CNTN4: variants seen among roughly 807,000 people sequenced by gnomAD.
CNTN4 encodes contactin-4.
In CNTN4, 77 loss-of-function variants were observed where a neutral mutation model predicts 122.5. That is an observed-to-expected ratio of 0.63 (90% confidence interval 0.52 to 0.76). The LOEUF is 0.76. Ranked by LOEUF, CNTN4 falls within the 30% of genes least tolerant of loss-of-function variation. The pLI is 0.00. For missense variants in CNTN4, 1,256 were observed against 1,259.1 expected (o/e 1.00, Z 0.04); for synonymous variants, 512 against 447.0 (o/e 1.15, Z -1.83).
intron 3 of CNTN4, among the ~76,000 whole-genome samples, chr3:2,396,896 T>C (rs919183345): frequency 2.6e-5 from 4 of 152,256 alleles, no homozygotes; most frequent in African/African-American, 9.6e-5. Flanking sequence ...TCCCATTTAG[T>C]GGTGTGTTAT....
intron 6 of CNTN4, among the ~76,000 whole-genome samples, chr3:2,799,465 G>C (rs1407767998): frequency 6.6e-6 from 1 of 151,948 alleles, no homozygotes; most frequent in Non-Finnish European, 1.5e-5. Context: ...TACAGTTTCA[G>C]GTCTTTTTTT....
intron 13 of CNTN4, among the ~76,000 whole-genome samples, chr3:2,945,899 A>T (rs1391845393): frequency 6.6e-6 from 1 of 152,202 alleles, no homozygotes; most frequent in African/African-American, 2.4e-5. Context: ...ATTCAAATTC[A>T]TTTGGAATTT....
chr3:2,776,782 G>T (rs1343358813), intron 6 of CNTN4, among the ~76,000 whole-genome samples: 1 of 152,104 alleles, frequency 6.6e-6, no homozygotes, highest in Non-Finnish European at 1.5e-5. Flanking sequence ...ATAAGTTTTT[G>T]CTGAGCCCGT....
At chr3:2,872,689 A>G (rs1401082224) in intron 8 of CNTN4, among the ~76,000 whole-genome samples, 2 of 151,932 alleles carry the variant, frequency 1.3e-5, no homozygotes, top group Non-Finnish European at 2.9e-5. Flanking sequence ...CTTTCTCTGT[A>G]CTCTGTCTCT....
Position 2,385,346 on chromosome 3 carries a change from G to A in CNTN4, c.-89+46113G>A, listed in dbSNP as rs1827451. Among the ~76,000 whole-genome samples, 40,327 of 151,732 alleles carry A rather than the reference G, an allele frequency of 0.27. 6,171 individuals are homozygous for A. The highest frequency in any genetic ancestry group is 0.63 in the East Asian group (3,232 of 5,142). On this transcript the variant is annotated intron_variant, in intron 3 of 24. Transcript: ENST00000418658. This position sits in a 1 kb window ranked among gnomAD's most constrained non-coding sequence, Gnocchi z 4.0. The stretch of plus-strand genomic sequence containing the variant: ...TTATAGTTTTGTTTATATTACTCTT[G>A]TTGCACTGAATAACCTATTAGCATA...
intron 3 of CNTN4, among the ~76,000 whole-genome samples, chr3:2,552,264 A>C (rs1337121697): frequency 1.3e-5 from 2 of 152,196 alleles, no homozygotes; most frequent in Non-Finnish European, 2.9e-5. Context: ...GTAGAAACCG[A>C]CAGAAAAGCG....
intron 3 of CNTN4, among the ~76,000 whole-genome samples, chr3:2,451,351 A>G (rs2048822665): frequency 1.3e-5 from 2 of 151,840 alleles, no homozygotes; most frequent in Admixed American, 6.6e-5. Context: ...AATCTGGGGC[A>G]TCACCAGCAA....
intron 2 of CNTN4, among the ~76,000 whole-genome samples, chr3:2,147,006 G>A (rs979807282): frequency 1.3e-5 from 2 of 151,868 alleles, no homozygotes; most frequent in Admixed American, 6.6e-5. Context: ...TCAGCCTCCC[G>A]AGTAGCTGGA....
intron 2 of CNTN4, among the ~76,000 whole-genome samples, chr3:2,271,144 C>T (rs11926046): frequency 0.022 from 2,874 of 133,532 alleles, 45 homozygotes; most frequent in Middle Eastern, 0.038. Context: ...TTAGAATTAA[C>T]TGCCTCCAGA....
chr3:2,734,377 A>G (rs1386973637), intron 4 of CNTN4, among the ~76,000 whole-genome samples: 3 of 152,120 alleles, frequency 2.0e-5, no homozygotes, highest in African/African-American at 7.2e-5. Flanking sequence ...TCCCATTTTT[A>G]ACTGATAAAG....
chr3:2,126,655 A>T (rs949430661), intron 2 of CNTN4, among the ~76,000 whole-genome samples: 1 of 152,192 alleles, frequency 6.6e-6, no homozygotes, highest in African/African-American at 2.4e-5. Flanking sequence ...TTGATATACA[A>T]AATGGAGTGC....
At chr3:2,739,941 A>T (rs1037732559) in intron 5 of CNTN4, among the ~76,000 whole-genome samples, 2 of 152,210 alleles carry the variant, frequency 1.3e-5, no homozygotes, top group Non-Finnish European at 2.9e-5. Flanking sequence ...TATAGAAAGG[A>T]CATCTTTGGC....
At chr3:2,441,510 G>T (rs548503356) in intron 3 of CNTN4, among the ~76,000 whole-genome samples, 28 of 152,096 alleles carry the variant, frequency 1.8e-4, no homozygotes, top group African/African-American at 6.5e-4. Flanking sequence ...AACCTTTGGG[G>T]GCCTCTTCTT....
At chr3:2,377,046 C>A (rs924717099) in intron 3 of CNTN4, among the ~76,000 whole-genome samples, 5 of 151,734 alleles carry the variant, frequency 3.3e-5, no homozygotes, top group African/African-American at 1.2e-4. Context: ...GTCCCAGCTA[C>A]TTGGGAGGCT....
At chr3:2,732,163 T>G (rs1489641460) in intron 4 of CNTN4, among the ~76,000 whole-genome samples, 2 of 152,194 alleles carry the variant, frequency 1.3e-5, no homozygotes, top group Non-Finnish European at 2.9e-5. Flanking sequence ...GGAGTGGGTC[T>G]AAAACCGGTG....
At chr3:2,422,587 A>G (rs941171013) in intron 3 of CNTN4, among the ~76,000 whole-genome samples, 1 of 152,212 alleles carries the variant, frequency 6.6e-6, no homozygotes, top group African/African-American at 2.4e-5. Flanking sequence ...TTCACTGCCA[A>G]TTCCTTCTTC....
At chr3:2,833,583 T>G (rs892057373) in intron 7 of CNTN4, among the ~76,000 whole-genome samples, 3 of 151,696 alleles carry the variant, frequency 2.0e-5, no homozygotes, top group African/African-American at 7.3e-5. Flanking sequence ...TACTTTCTCA[T>G]GTTTGAGCGG....
At chr3:3,012,855 C>G (rs1697373159) in intron 14 of CNTN4, among the ~76,000 whole-genome samples, 1 of 151,914 alleles carries the variant, frequency 6.6e-6, no homozygotes. Context: ...GTAATCCCAG[C>G]TACTCAGGAA....
In CNTN4 at chr3:2,633,878, A is replaced by G. The variant is rs79529375; in HGVS notation, c.55+62320A>G. Among the ~76,000 whole-genome samples the G allele has an allele frequency of 5.4e-3, 827 of 152,366 alleles. 6 individuals carry two copies. The highest frequency in any genetic ancestry group is 0.019 in the African/African-American group (782 of 41,590). ...AAGGAAGAAATGGGATACTGAGAGT[A>G]AAGTAGTATAGTGGAAACACGCATT... On this transcript the variant is annotated intron_variant, in intron 4 of 24. Coordinates refer to ENST00000418658, the MANE Select transcript of CNTN4 (RefSeq NM_175607.3).
Sources: gnomAD v4.1 joint callset for allele counts (sites outside exome capture counted in the v4.1 genomes callset) on GRCh38, gnomAD v4.1.1 for gene constraint, Gnocchi (gnomAD v3.1) non-coding constraint, MANE v1.5 for transcripts, NCBI Gene and HGNC (gene_info 2026-07-23, HGNC 2026-07-21) for gene names.